The following ABCA9 variants were observed in gnomAD, a reference collection of about 807,000 sequenced individuals.
The protein encoded by ABCA9 is ATP-binding cassette sub-family A member 9.
Under a neutral mutation model 205.3 loss-of-function variants are expected in ABCA9, and 183 were observed. The ratio of observed to expected loss-of-function variants is 0.89; its 90% CI spans 0.79 to 1.01. The LOEUF (loss-of-function observed/expected upper bound fraction) is 1.01. Among genes scored for constraint, ABCA9 ranks in the 50% least tolerant of loss-of-function variants. ABCA9 has a pLI of 0.00. For missense variants in ABCA9, 1,805 were observed against 1,912.4 expected, an observed-to-expected ratio of 0.94 and a Z score of 1.05; for synonymous variants, 651 against 683.3, an observed-to-expected ratio of 0.95 and a Z score of 0.74.
chr17:69,061,371 C>T (rs1343495625), upstream of ABCA9, among the ~76,000 whole-genome samples: 2 of 151,862 alleles, frequency 1.3e-5, no homozygotes, highest in South Asian at 2.1e-4. Context: ...CAAGTAAATA[C>T]ATACAAATTG....
At chr17:68,991,092 G>GAAAGT in intron 28 of ABCA9, 135 bp from the exon 29 acceptor site, 1 of 974,178 alleles carries the variant, frequency 1.0e-6, no homozygotes, top group Non-Finnish European at 1.5e-6. Context: ...TCTTCTACTT[G>GAAAGT]CACCATCCGC....
At chr17:69,046,399 T>G (rs1007221976) in intron 3 of ABCA9, among the ~76,000 whole-genome samples, 1 of 152,180 alleles carries the variant, frequency 6.6e-6, no homozygotes, top group African/African-American at 2.4e-5. Flanking sequence ...TCTAATCCTT[T>G]TTTGCCAGCC....
chr17:69,056,641 A>G (rs1165281252), intron 1 of ABCA9, among the ~76,000 whole-genome samples: 1 of 152,222 alleles, frequency 6.6e-6, no homozygotes, highest in Non-Finnish European at 1.5e-5. Flanking sequence ...AGATGCTAGA[A>G]GCAGAAAATG....
At position 69,016,329 on chromosome 17, in the gene ABCA9, T is replaced by C; in HGVS notation, c.2963A>G (p.Asp988Gly). ...KRLNCFPVLL[D>G]VISNGLLGIF... Reference sequence around the variant, plus strand: ...TCCAAGTAGTCCATTGCTAATGACATCCAGGAGGACAGGAAAGCAATTCAG... The same window carrying C: ...TCCAAGTAGTCCATTGCTAATGACACCCAGGAGGACAGGAAAGCAATTCAG... Residue 988 changes from aspartate (D) to glycine (G), a missense_variant, in exon 22 of 39, where the codon GAT becomes GGT. Physicochemically the swap from Asp to Gly is moderately conservative, Grantham distance 94 (BLOSUM62 -1). Coordinates refer to ENST00000340001, the MANE Select transcript of ABCA9 (RefSeq NM_080283.4). The C allele has an allele frequency of 6.2e-7, 1 of 1,603,766 alleles. No homozygotes were observed. The highest frequency in any genetic ancestry group is 8.5e-7 in the Non-Finnish European group (1 of 1,176,232).
chr17:69,063,923 T>C (rs2072315338), upstream of ABCA9, among the ~76,000 whole-genome samples: 1 of 152,204 alleles, frequency 6.6e-6, no homozygotes, highest in Admixed American at 6.5e-5. Flanking sequence ...GTTTTGTGCT[T>C]TTTTTGCCTT....
rs2070985228 is a variant in ABCA9, at chr17:69,026,377, CT to C, written c.2140del (p.Ser714ValfsTer4). Reference protein sequence around the residue: ...KKKWGIGYHLSLHLNERCDPE... With the variant: ...KKKWGIGYHLXLHLNERCDPE... ...ACGTCTCCAACATTCAGGGCTGTAC[CT>C]TAAATGGTAGCCTATGCCCCATTTC... is the stretch of plus-strand genomic sequence containing the variant. On this transcript the variant is annotated frameshift_variant and splice_region_variant, in exon 16 of 39. Coordinates refer to ENST00000340001, the MANE Select transcript of ABCA9 (RefSeq NM_080283.4). LOFTEE classifies it high-confidence loss of function. 11 of 1,612,690 alleles carry C rather than the reference CT, an allele frequency of 6.8e-6. No individual in the cohort carries two copies. Among genetic ancestry groups the C allele is most frequent in the Non-Finnish European group, 9.3e-6 (11 of 1,178,868 alleles).
intron 36 of ABCA9, 58 bp downstream of exon 36, chr17:68,983,651 A>G (rs2069133930): frequency 6.9e-6 from 11 of 1,595,644 alleles, no homozygotes; most frequent in Non-Finnish European, 8.5e-6. Context: ...CCGTCATCAT[A>G]GCAGAAATAT....
At chr17:69,037,666 A>G (rs1381170846) in intron 6 of ABCA9, among the ~76,000 whole-genome samples, 1 of 152,132 alleles carries the variant, frequency 6.6e-6, no homozygotes, top group Non-Finnish European at 1.5e-5. Flanking sequence ...CTGGAGAAGC[A>G]AGAGCAAACA....
intron 20 of ABCA9, 49 bp downstream of exon 20, chr17:69,018,349 TTTTTTGGGGGGAATC>T (rs2070702167): frequency 2.2e-6 from 3 of 1,355,184 alleles, no homozygotes; most frequent in Non-Finnish European, 1.9e-6. Flanking sequence ...GCTGTTCATG[TTTTTTGGGGGGAATC>T]TCTCAACAAG....
chr17:69,004,023 A>AT (rs1330964336), intron 25 of ABCA9, among the ~76,000 whole-genome samples: 1 of 151,532 alleles, frequency 6.6e-6, no homozygotes, highest in Non-Finnish European at 1.5e-5. Context: ...TTTCTTCTAA[A>AT]TTTTTTTCAA....
chr17:68,978,400 G>A (rs2068947406), intron 37 of ABCA9, among the ~76,000 whole-genome samples: 1 of 152,138 alleles, frequency 6.6e-6, no homozygotes. Flanking sequence ...ACAGCACACT[G>A]ATGGGTCTTG....
chr17:68,984,658 T>C (rs1274112661), intron 34 of ABCA9, among the ~76,000 whole-genome samples: 1 of 152,248 alleles, frequency 6.6e-6, no homozygotes, highest in Non-Finnish European at 1.5e-5. Flanking sequence ...AAATGTTCCA[T>C]GTAGGCACAG....
In ABCA9 at chr17:69,008,059, T is replaced by TAA; in HGVS notation, c.3321+2_3321+3insTT. 6.3e-7 allele frequency: 1 copy of TAA among 1,598,946 alleles called. No homozygotes were observed. On this transcript the variant is annotated splice_region_variant and intron_variant, in intron 24 of 38. Coordinates refer to ENST00000340001, the MANE Select transcript of ABCA9 (RefSeq NM_080283.4). ...AAACCATTTCAAAATTGCTGCCACTTACTTGAATTAACAGGTTTTGAATTA... is the reference window on the plus strand; with the variant it reads ...AAACCATTTCAAAATTGCTGCCACTTAAACTTGAATTAACAGGTTTTGAATTA...
the ABCA9 span, among the ~76,000 whole-genome samples, chr17:69,074,947 G>A: frequency 1.3e-5 from 2 of 152,020 alleles, no homozygotes; most frequent in Non-Finnish European, 2.9e-5. Flanking sequence ...AATTCTGTCT[G>A]GTATAATAAG....
intron 29 of ABCA9, 58 bp from the exon 30 acceptor site, chr17:68,989,988 T>C (rs2069391381): frequency 1.7e-6 from 2 of 1,161,184 alleles, no homozygotes; most frequent in Admixed American, 4.1e-5. Context: ...TGAGAGGGTG[T>C]TCCACACTCT....
chr17:68,985,616 G>A (rs1417236024), intron 32 of ABCA9, among the ~76,000 whole-genome samples: 6 of 151,856 alleles, frequency 4.0e-5, no homozygotes, highest in South Asian at 4.2e-4. Context: ...GCAAGACTCC[G>A]TCTCAAAAAA....
chr17:69,057,940 G>A (rs1017219809), intron 1 of ABCA9, among the ~76,000 whole-genome samples: 1 of 152,018 alleles, frequency 6.6e-6, no homozygotes, highest in African/African-American at 2.4e-5. Flanking sequence ...TTTAAAGTAC[G>A]CAGGAGAATA....
At chr17:69,049,123 A>G (rs895847423) in intron 3 of ABCA9, among the ~76,000 whole-genome samples, 160 bp downstream of exon 3, 5 of 152,222 alleles carry the variant, frequency 3.3e-5, no homozygotes, top group African/African-American at 2.4e-5. Flanking sequence ...ACACTAGTGA[A>G]CAAACTACAA....
chr17:69,035,345 C>A lies in ABCA9; in HGVS notation c.1029G>T (p.Gly343=), dbSNP rs1289608532. The A allele has an allele frequency of 1.9e-6, 3 of 1,610,220 alleles. No individual in the cohort carries two copies. Among genetic ancestry groups the A allele is most frequent in the East Asian group, 2.2e-5 (1 of 44,590 alleles). The change falls in exon 8 of 39, where the codon GGG becomes GGT. Residue 343 remains glycine, a synonymous_variant. Coordinates refer to ENST00000340001, the MANE Select transcript of ABCA9 (RefSeq NM_080283.4). ...LVVFLLIVFW[G]ILGFPALYTR... is the part of the protein sequence containing the mutation. ...TATACAATGCTGGGAATCCCAGGATCCCCCAAAAGACAATAAGGAGAAACA... is the reference window on the plus strand; with the variant it reads ...TATACAATGCTGGGAATCCCAGGATACCCCAAAAGACAATAAGGAGAAACA...
Sources: gnomAD v4.1 joint callset for allele counts (sites outside exome capture counted in the v4.1 genomes callset) on GRCh38, gnomAD v4.1.1 for gene constraint, MANE v1.5 for transcripts, NCBI Gene and HGNC (gene_info 2026-07-23, HGNC 2026-07-21) for gene names.